The following ADAM12 variants were observed in gnomAD, a reference collection of about 807,000 sequenced individuals.
ADAM12 encodes ADAM metallopeptidase domain 12, also known as disintegrin and metalloproteinase domain-containing protein 12.
In ADAM12, 70 loss-of-function variants were observed where a neutral mutation model predicts 106.4. The observed-to-expected ratio is 0.66, with a 90% CI of 0.54 to 0.80. ADAM12 has a LOEUF of 0.80. ADAM12 is among the 30% of genes least tolerant of loss of function. The pLI is 0.00. For synonymous variants in ADAM12, 420 were observed against 433.5 expected (o/e 0.97, Z 0.39); for missense variants, 1,010 against 1,171.9 (o/e 0.86, Z 2.02).
intron 11 of ADAM12, among the ~76,000 whole-genome samples, chr10:126,081,824 T>C (rs1202898777): frequency 1.3e-5 from 2 of 152,082 alleles, no homozygotes; most frequent in Non-Finnish European, 2.9e-5. Context: ...CCATTGGGAG[T>C]TGCCCTGACT....
intron 14 of ADAM12, among the ~76,000 whole-genome samples, chr10:126,055,018 G>T (rs952805905): frequency 3.9e-5 from 6 of 152,190 alleles, no homozygotes; most frequent in African/African-American, 1.4e-4. Flanking sequence ...AGGGCAACTA[G>T]TGGAGACTGT....
intron 5 of ADAM12, among the ~76,000 whole-genome samples, chr10:126,128,799 T>C (rs1159854565): frequency 2.7e-5 from 4 of 146,168 alleles, no homozygotes; most frequent in African/African-American, 7.7e-5. Flanking sequence ...CGTGTCGGAA[T>C]GTGTGCAAGT....
chr10:126,042,171 C>T (rs374599336), intron 18 of ADAM12: 39 of 1,613,654 alleles, frequency 2.4e-5, no homozygotes, highest in Middle Eastern at 3.3e-4. Context: ...CATGCTCCTG[C>T]GATCCCACGG....
intron 4 of ADAM12, among the ~76,000 whole-genome samples, chr10:126,151,527 G>A (rs1278502182): frequency 6.6e-6 from 1 of 151,990 alleles, no homozygotes; most frequent in Non-Finnish European, 1.5e-5. Flanking sequence ...TAGGATTTTT[G>A]CAACTACGTC....
intron 3 of ADAM12, among the ~76,000 whole-genome samples, chr10:126,210,985 C>A (rs1957890361): frequency 1.3e-5 from 2 of 152,098 alleles, no homozygotes; most frequent in Admixed American, 1.3e-4. Context: ...CAATCTTTGT[C>A]CTTTGGTGGA....
intron 14 of ADAM12, among the ~76,000 whole-genome samples, chr10:126,052,214 G>A (rs1954521410): frequency 6.6e-6 from 1 of 152,192 alleles, no homozygotes; most frequent in South Asian, 2.1e-4. Context: ...GCAACAACAG[G>A]TTCAGTGGAT....
At position 126,118,240 on chromosome 10, in the gene ADAM12, C is replaced by T. The variant is rs1326220936; in HGVS notation, c.417-16G>A. On this transcript the variant is annotated splice_polypyrimidine_tract_variant and intron_variant, in intron 5 of 22. Transcript: ENST00000448723. ...AATAAGTCCCCTGTTGAAAAAGAAA[C>T]AAGAAAAAATATATAATTTTAAGGA... is the stretch of plus-strand genomic sequence containing the variant. 1 of 1,591,398 alleles carries T rather than the reference C, an allele frequency of 6.3e-7. No homozygotes were observed. The highest frequency in any genetic ancestry group is 1.7e-5 in the Admixed American group (1 of 57,904).
At chr10:126,101,030 G>A (rs1198014216) in intron 9 of ADAM12, 42 bp downstream of exon 9, 11 of 1,604,314 alleles carry the variant, frequency 6.9e-6, no homozygotes, top group Non-Finnish European at 9.4e-6. Flanking sequence ...TTCGCCGAGA[G>A]CACTCCTTTT....
Position 126,049,713 on chromosome 10 carries a change from T to C in ADAM12, c.1610-44A>G. On this transcript the variant is annotated intron_variant, in intron 14 of 22. Transcript: ENST00000448723. The surrounding 1 kb of genome is among the most constrained non-coding windows in gnomAD (Gnocchi z 4.4). ...TGCATTTTCATCTCCTGCAGGTGATTTTTTTTTTTTCATGGCTGTAGGCCT... is the reference window on the plus strand; with the variant it reads ...TGCATTTTCATCTCCTGCAGGTGATCTTTTTTTTTTCATGGCTGTAGGCCT... 7.6e-7 allele frequency: 1 copy of C among 1,314,670 alleles called. No individual in the cohort carries two copies. The allele number at this position is 1,314,670 out of a possible 1,614,324, so 81.4% of individuals were successfully genotyped here.
At chr10:126,032,516 C>A (rs1953988437) in intron 21 of ADAM12, among the ~76,000 whole-genome samples, 1 of 152,104 alleles carries the variant, frequency 6.6e-6, no homozygotes, top group Non-Finnish European at 1.5e-5. Flanking sequence ...GGAAATCTTG[C>A]AAGAGTCCCT....
chr10:126,108,624 C>T lies in ADAM12; in HGVS notation c.710G>A (p.Arg237Gln), dbSNP rs927992573. ...AACGTGATTAGCAATCTCTATTAAT[C>T]GCTGCTTAACTTTTTCCAGATCTTT... ...QGKDLEKVKQRLIEIANHVDK... is the reference protein window; with the variant it reads ...QGKDLEKVKQQLIEIANHVDK... Residue 237 changes from arginine to glutamine, a missense_variant, in exon 8 of 23, where the codon CGA becomes CAA. Around this residue, in one of 3 missense-constraint regions of ADAM12, gnomAD observed 391 missense variants for 442.9 expected, o/e 0.88. Coordinates refer to ENST00000448723, the MANE Select transcript of ADAM12 (RefSeq NM_001288973.2). 5.0e-6 allele frequency: 8 copies of T among 1,613,968 alleles called. No homozygotes were observed. Among genetic ancestry groups the T allele is most frequent in the East Asian group, 2.2e-5 (1 of 44,898 alleles).
At chr10:126,226,215 G>C (rs528123149) in intron 3 of ADAM12, among the ~76,000 whole-genome samples, 1 of 144,214 alleles carries the variant, frequency 6.9e-6, no homozygotes, top group Admixed American at 7.0e-5. Context: ...GGGGAGTGGG[G>C]TGGGAGTGCT....
chr10:126,096,623 C>G (rs998291035), intron 10 of ADAM12, among the ~76,000 whole-genome samples: 1 of 152,186 alleles, frequency 6.6e-6, no homozygotes, highest in South Asian at 2.1e-4. Context: ...ACGGGATGCC[C>G]GTGAATGTAA....
At chr10:126,294,842 G>A (rs975522578) in intron 2 of ADAM12, among the ~76,000 whole-genome samples, 1 of 152,048 alleles carries the variant, frequency 6.6e-6, no homozygotes, top group African/African-American at 2.4e-5. Flanking sequence ...GTTCAGAAAA[G>A]ATTTCTGATG....
intron 2 of ADAM12, among the ~76,000 whole-genome samples, chr10:126,299,779 G>A (rs1201283186): frequency 6.6e-6 from 1 of 152,108 alleles, no homozygotes; most frequent in Admixed American, 6.5e-5. Context: ...AAGTACCTGG[G>A]ATTATAGGTG....
intron 1 of ADAM12, among the ~76,000 whole-genome samples, chr10:126,387,026 G>C (rs142662498): frequency 6.6e-6 from 1 of 152,146 alleles, no homozygotes; most frequent in Non-Finnish European, 1.5e-5. Flanking sequence ...GGGCAGCAGT[G>C]GCAATCGCAA....
chr10:126,298,815 C>T (rs910426410), intron 2 of ADAM12, among the ~76,000 whole-genome samples: 1 of 152,184 alleles, frequency 6.6e-6, no homozygotes, highest in African/African-American at 2.4e-5. Context: ...AATGACACCA[C>T]AGAAGACAAA....
At chr10:126,193,663 G>A (rs1179753672) in intron 3 of ADAM12, among the ~76,000 whole-genome samples, 1 of 152,194 alleles carries the variant, frequency 6.6e-6, no homozygotes. Flanking sequence ...TTGGGAAGCT[G>A]AAGCGAGTGG....
At chr10:126,086,668 AAAAAAAAAAAAAATATAT>A (rs1318434978) in intron 11 of ADAM12, among the ~76,000 whole-genome samples, 3 of 47,820 alleles carry the variant, frequency 6.3e-5, no homozygotes, top group East Asian at 1.3e-3. Flanking sequence ...AAAAAAAAAA[AAAAAAAAAAAAAATATAT>A]ATATATATAT....
Sources: gnomAD v4.1 joint callset for allele counts (sites outside exome capture counted in the v4.1 genomes callset) on GRCh38, gnomAD v4.1.1 for gene constraint, gnomAD v4.1.1 regional missense constraint, Gnocchi (gnomAD v3.1) non-coding constraint, MANE v1.5 for transcripts, NCBI Gene and HGNC (gene_info 2026-07-23, HGNC 2026-07-21) for gene names.